The following ATXN2 variants were observed in gnomAD, a reference collection of about 807,000 sequenced individuals.
ATXN2 encodes ataxin 2.
A neutral mutation model predicts 138.6 loss-of-function variants in ATXN2; 37 were observed. That is an observed-to-expected ratio of 0.27 (90% confidence interval 0.21 to 0.35). The LOEUF is 0.35. Among genes scored for constraint, ATXN2 ranks in the 10% least tolerant of loss-of-function variants. ATXN2 has a pLI of 1.00. For missense variants in ATXN2, 1,216 were observed against 1,480.3 expected, an observed-to-expected ratio of 0.82 and a Z score of 2.93; for synonymous variants, 549 against 543.7, an observed-to-expected ratio of 1.01 and a Z score of -0.13.
chr12:111,577,335 G>A (rs1402885286), intron 1 of ATXN2, among the ~76,000 whole-genome samples: 1 of 151,854 alleles, frequency 6.6e-6, no homozygotes, highest in Non-Finnish European at 1.5e-5. Flanking sequence ...GCACGATCTC[G>A]GCTCACTGCA....
Position 111,552,407 on chromosome 12 carries a change from T to A in ATXN2, c.444A>T (p.Ala148=), listed in dbSNP as rs1882171932. 1.2e-6 allele frequency: 2 copies of A among 1,612,324 alleles called. No homozygotes were observed. Among genetic ancestry groups the A allele is most frequent in the African/African-American group, 2.7e-5 (2 of 74,902 alleles). ...SPKCDLVLDA[A]HEKSTESSSG... ...AACTGGATTCTGTACTTTTCTCATG[T>A]GCGGCATCAAGTACCAAATCACACT... Residue 148 remains alanine, a synonymous_variant, in exon 5 of 25, where the codon GCA becomes GCT. Coordinates refer to ENST00000673436, the MANE Select transcript of ATXN2 (RefSeq NM_001372574.1). The surrounding 1 kb of genome is among the most constrained non-coding windows in gnomAD (Gnocchi z 4.1).
At chr12:111,585,336 A>C (rs764276684) in intron 1 of ATXN2, among the ~76,000 whole-genome samples, 1 of 151,460 alleles carries the variant, frequency 6.6e-6, no homozygotes, top group African/African-American at 2.4e-5. Flanking sequence ...AATATGGCAA[A>C]ACCCCATCTC....
At chr12:111,520,734 TG>T (rs1219600515) in intron 7 of ATXN2, 147 bp downstream of exon 7, 4 of 556,466 alleles carry the variant, frequency 7.2e-6, no homozygotes, top group Non-Finnish European at 1.2e-5. Context: ...CTTTTTTTAA[TG>T]GAAATTTATC....
At chr12:111,548,819 A>G (rs545299061) in intron 5 of ATXN2, among the ~76,000 whole-genome samples, 2 of 152,272 alleles carry the variant, frequency 1.3e-5, no homozygotes, top group East Asian at 3.9e-4. Flanking sequence ...CCCGGGTTCA[A>G]GCGATTCTTC....
rs559031202 is a variant in ATXN2 at position 111,489,328 on chromosome 12, A to G, written c.1936-548T>C. 9.9e-5 allele frequency among the ~76,000 whole-genome samples: 15 copies of G among 152,258 alleles called. No individual in the cohort carries two copies. The South Asian group carries it at 2.9e-3, about 29-fold the overall frequency. ...TCTATCACATAAAACAATAGCACCA[A>G]TGGGGGCCGGGCACGGTGGCTCACG... On this transcript the variant is annotated intron_variant, in intron 14 of 24. Transcript: ENST00000673436.
chr12:111,486,724 T>G (rs200056865), intron 16 of ATXN2, 37 bp downstream of exon 16: 365 of 1,557,442 alleles, frequency 2.3e-4, no homozygotes, highest in Non-Finnish European at 3.0e-4. Context: ...TTTCTTTTTT[T>G]GGGACTAGAT....
intron 1 of ATXN2, among the ~76,000 whole-genome samples, chr12:111,571,926 C>T (rs1427741824): frequency 1.3e-5 from 2 of 151,196 alleles, no homozygotes; most frequent in African/African-American, 2.4e-5. Context: ...ACAGGAGAAT[C>T]GCCTGAACCC....
chr12:111,558,498 A>T (rs1882505928), intron 1 of ATXN2, among the ~76,000 whole-genome samples: 1 of 152,190 alleles, frequency 6.6e-6, no homozygotes, highest in South Asian at 2.1e-4. Flanking sequence ...CAGTCAAATT[A>T]ATATAAAGAA....
chr12:111,598,951 C>CTGCTGCTGCTGCTGCTGCTGCTGCTGT lies in ATXN2; in HGVS notation c.57_83dup (p.Gln20_Gln28dup), dbSNP rs750320511. 17 of 23,570 alleles carry CTGCTGCTGCTGCTGCTGCTGCTGCTGT rather than the reference C, an allele frequency of 7.2e-4. No homozygotes were observed. The highest frequency in any genetic ancestry group is 1.1e-3 in the Non-Finnish European group (17 of 16,180). The allele number at this position is 23,570 out of a possible 1,614,324, so 1.5% of individuals were successfully genotyped here. ...GGACATTGGCAGCCGCGGGCGGCGG[C>CTGCTGCTGCTGCTGCTGCTGCTGCTGT]TGCTGCTGCTGCTGCTGCTGCTGCT... On this transcript the variant is annotated inframe_insertion, in exon 1 of 25. Coordinates refer to ENST00000673436, the MANE Select transcript of ATXN2 (RefSeq NM_001372574.1). The surrounding 1 kb of genome is among the most constrained non-coding windows in gnomAD (Gnocchi z 4.5).
At position 111,488,523 on chromosome 12, in the gene ATXN2, T is replaced by G. The variant is rs138912353; in HGVS notation, c.2193A>C (p.Ala731=). 4.7e-5 allele frequency: 76 copies of G among 1,614,026 alleles called. No individual in the cohort carries two copies. In the African/African-American group the frequency reaches 9.7e-4, roughly 21 times the overall value. The part of the protein sequence containing the change: ...TSQGVQTSSP[A]CKQEKDDKEE... ...CCTTATCGTCTTTCTCTTGTTTACA[T>G]GCTGGGCTGGAAGTCTGAACCCCTT... Residue 731 remains alanine (A), a synonymous_variant, in exon 15 of 25, where the codon GCA becomes GCC. Coordinates refer to ENST00000673436, the MANE Select transcript of ATXN2 (RefSeq NM_001372574.1).
At chr12:111,464,276 G>GTGTGTA (rs1314686722) in intron 21 of ATXN2, among the ~76,000 whole-genome samples, 2 of 149,562 alleles carry the variant, frequency 1.3e-5, no homozygotes, top group Non-Finnish European at 3.0e-5. Context: ...GTGTGTGTGT[G>GTGTGTA]TGTGTGTATA....
rs373902915 is a variant in ATXN2 at position 111,470,508 on chromosome 12, A to C, written c.2709+50T>G. 9 of 1,584,894 alleles carry C rather than the reference A, an allele frequency of 5.7e-6. No individual in the cohort carries two copies. In the African/African-American group the frequency reaches 1.2e-4, roughly 21 times the overall value. On this transcript the variant is annotated intron_variant, in intron 19 of 24. Coordinates refer to ENST00000673436, the MANE Select transcript of ATXN2 (RefSeq NM_001372574.1). ...AGGAAAATCCCTTTACCATATTAAA[A>C]GTTTTTTTATATGGTACAAAAATTA...
Position 111,510,375 on chromosome 12 carries a change from T to C in ATXN2, c.1756+10A>G, listed in dbSNP as rs758481896. The C allele has an allele frequency of 5.0e-6, 8 of 1,612,006 alleles. No homozygotes were observed. In the Admixed American group the frequency reaches 6.7e-5, roughly 13 times the overall value. On this transcript the variant is annotated intron_variant, in intron 12 of 24. Transcript: ENST00000673436. The stretch of plus-strand genomic sequence containing the variant: ...TGAGATTATGGATCCAGAAGCCCTT[T>C]GTTACATACCCTCACTAGAAGGGGT...
intron 18 of ATXN2, among the ~76,000 whole-genome samples, chr12:111,484,827 C>T (rs1221160479): frequency 2.0e-5 from 3 of 152,178 alleles, no homozygotes; most frequent in Non-Finnish European, 2.9e-5. Flanking sequence ...ACTTCCTGGG[C>T]TCAAGTGATC....
In ATXN2 at chr12:111,535,003, A is replaced by G. The variant is rs189130586; in HGVS notation, c.572-9687T>C. ...CTAAACTAAAAAAAACAAACAAAAA[A>G]ATTAGCCAGGTAGGGTGGTGCATGG... On this transcript the variant is annotated intron_variant, in intron 5 of 24. Coordinates refer to ENST00000673436, the MANE Select transcript of ATXN2 (RefSeq NM_001372574.1). Among the ~76,000 whole-genome samples, 746 of 152,022 alleles carry G rather than the reference A, an allele frequency of 4.9e-3. 4 individuals are homozygous for G. The highest frequency in any genetic ancestry group is 0.017 in the African/African-American group (710 of 41,438).
intron 5 of ATXN2, among the ~76,000 whole-genome samples, chr12:111,539,595 A>T (rs1434687665): frequency 6.7e-6 from 1 of 149,288 alleles, no homozygotes; most frequent in African/African-American, 2.4e-5. Flanking sequence ...AAAATACAAA[A>T]AATTAGCCGG....
At chr12:111,549,485 G>A (rs760582280) in intron 5 of ATXN2, among the ~76,000 whole-genome samples, 4 of 151,234 alleles carry the variant, frequency 2.6e-5, no homozygotes, top group East Asian at 2.0e-4. Context: ...GCAGTGAGCC[G>A]AGATCGCACC....
chr12:111,461,260 A>C (rs1593096401), intron 21 of ATXN2: 1 of 152,152 alleles, frequency 6.6e-6, no homozygotes, highest in African/African-American at 2.4e-5. Flanking sequence ...ACCTGAGGTT[A>C]GGAGTTCGAG....
At chr12:111,534,113 A>C (rs371992269) in intron 5 of ATXN2, among the ~76,000 whole-genome samples, 1 of 151,946 alleles carries the variant, frequency 6.6e-6, no homozygotes, top group East Asian at 1.9e-4. Context: ...AAATATAAAT[A>C]AATTAAGTTT....
Sources: gnomAD v4.1 joint callset for allele counts (sites outside exome capture counted in the v4.1 genomes callset) on GRCh38, gnomAD v4.1.1 for gene constraint, Gnocchi (gnomAD v3.1) non-coding constraint, MANE v1.5 for transcripts, NCBI Gene and HGNC (gene_info 2026-07-23, HGNC 2026-07-21) for gene names.